MRNIP: variants seen among roughly 807,000 people sequenced by gnomAD.
MRNIP encodes the protein MRN complex-interacting protein.
Under a neutral mutation model 29.8 loss-of-function variants are expected in MRNIP, and 30 were observed. The observed-to-expected ratio is 1.01, with a 90% CI of 0.75 to 1.36. MRNIP has a LOEUF of 1.36. Ranked by LOEUF, MRNIP falls within the 40% of genes most tolerant of loss-of-function variation. MRNIP has a pLI of 0.00. For missense variants in MRNIP, 459 were observed against 423.5 expected, an observed-to-expected ratio of 1.08 and a Z score of -0.74; for synonymous variants, 201 against 164.1, an observed-to-expected ratio of 1.23 and a Z score of -1.72.
At position 179,853,457 on chromosome 5, in the gene MRNIP, A is replaced by G; in HGVS notation, c.67-20T>C. 4 of 1,594,254 alleles carry G rather than the reference A, an allele frequency of 2.5e-6. No individual in the cohort carries two copies. The highest frequency in any genetic ancestry group is 3.4e-6 in the Non-Finnish European group (4 of 1,165,290). ...TTTTACCTGCAATGAAATTTCAGAA[A>G]TACAACTCAGATAATTATTTAAAAC... On this transcript the variant is annotated intron_variant, in intron 1 of 6. Coordinates refer to ENST00000292586, the MANE Select transcript of MRNIP (RefSeq NM_016175.4).
chr5:179,843,526 C>T (rs1236796711), intron 4 of MRNIP, among the ~76,000 whole-genome samples: 1 of 151,930 alleles, frequency 6.6e-6, no homozygotes, highest in East Asian at 1.9e-4. Context: ...ATGGCCTGAG[C>T]CCAGGAGTTT....
intron 3 of MRNIP, 51 bp downstream of exon 3, chr5:179,847,927 G>T: frequency 1.6e-6 from 2 of 1,263,428 alleles, no homozygotes; most frequent in East Asian, 2.3e-5. Context: ...CTATTATCCA[G>T]TCAAGACGAA....
At chr5:179,839,301 A>G (rs898752643) in intron 6 of MRNIP, 6 of 152,046 alleles carry the variant, frequency 3.9e-5, no homozygotes, top group African/African-American at 9.7e-5. Context: ...CAAAGGGAAA[A>G]GCAATGTGAA....
intron 3 of MRNIP, 124 bp from the exon 4 acceptor site, chr5:179,844,351 G>C: frequency 1.4e-6 from 1 of 737,294 alleles, no homozygotes; most frequent in Non-Finnish European, 2.4e-6. Context: ...TCAGGAGTTC[G>C]AGACAAGTCT....
At chr5:179,850,192 T>C (rs1468736577) in intron 2 of MRNIP, among the ~76,000 whole-genome samples, 1 of 151,986 alleles carries the variant, frequency 6.6e-6, no homozygotes, top group Non-Finnish European at 1.5e-5. Context: ...CACAGGCAGA[T>C]GGTACAAGAC....
intron 2 of MRNIP, among the ~76,000 whole-genome samples, chr5:179,849,298 G>A (rs1049453583): frequency 1.0e-4 from 15 of 146,348 alleles, no homozygotes; most frequent in African/African-American, 1.6e-4. Context: ...CAGATGGTAC[G>A]AGATGGAATT....
chr5:179,850,269 C>G (rs1013470107), intron 2 of MRNIP, among the ~76,000 whole-genome samples: 3 of 150,648 alleles, frequency 2.0e-5, no homozygotes, highest in African/African-American at 7.3e-5. Context: ...TGAGAGCATG[C>G]GTCCTGCTAT....
chr5:179,851,384 G>C, intron 2 of MRNIP: 1 of 456,106 alleles, frequency 2.2e-6, no homozygotes, highest in Non-Finnish European at 4.4e-6. Context: ...GGCTTGGAAT[G>C]AGATTCTATG....
At chr5:179,851,149 G>C (rs970556475) in intron 2 of MRNIP, 2 of 449,344 alleles carry the variant, frequency 4.5e-6, no homozygotes, top group Admixed American at 4.7e-5. Flanking sequence ...ACAGCACAGA[G>C]GCATTGAGGG....
At chr5:179,853,301 C>T (rs771112890) in intron 2 of MRNIP, 77 bp downstream of exon 2, 1 of 1,605,142 alleles carries the variant, frequency 6.2e-7, no homozygotes, top group Admixed American at 1.7e-5. Context: ...ATGATCCCAG[C>T]TGTGGCATGC....
chr5:179,858,199 G>A (rs1369640860), intron 1 of MRNIP, among the ~76,000 whole-genome samples: 1 of 151,352 alleles, frequency 6.6e-6, no homozygotes, highest in African/African-American at 2.4e-5. Context: ...CACGCTGAAA[G>A]TTAGGGAGGC....
At chr5:179,854,993 GAAGA>G (rs1434007056) in intron 1 of MRNIP, among the ~76,000 whole-genome samples, 1 of 152,132 alleles carries the variant, frequency 6.6e-6, no homozygotes, top group East Asian at 1.9e-4. Flanking sequence ...AATGGAATTA[GAAGA>G]AAGTTGTAAG....
Position 179,852,157 on chromosome 5 carries a change from G to T in MRNIP, c.126+1221C>A, listed in dbSNP as rs1487919947. ...ACAAATTAGCTGGGTGTGGTGGCAT[G>T]CATCTGTAGTCCCAGATACTCAGGA... On this transcript the variant is annotated intron_variant, in intron 2 of 6. Coordinates refer to ENST00000292586, the MANE Select transcript of MRNIP (RefSeq NM_016175.4). 3.3e-5 allele frequency among the ~76,000 whole-genome samples: 5 copies of T among 151,594 alleles called. No homozygotes were observed. In the East Asian group the frequency reaches 7.7e-4, roughly 23 times the overall value.
chr5:179,844,871 TAC>T, intron 3 of MRNIP, among the ~76,000 whole-genome samples: 2 of 152,362 alleles, frequency 1.3e-5, no homozygotes, highest in Admixed American at 1.3e-4. Flanking sequence ...TAGGATTTTC[TAC>T]ATACACAATC....
rs35554578 is a variant in MRNIP, at chr5:179,844,070, TATA to T, written c.291+79_291+81del. 8,498 of 1,149,458 alleles carry T rather than the reference TATA, an allele frequency of 7.4e-3. 431 individuals carry two copies. In the African/African-American group the frequency reaches 0.11, roughly 16 times the overall value. 71.2% of individuals were successfully genotyped at this position (1,149,458 alleles called of 1,614,324 possible). ...TTGGGTGGCATCAACACACATTTGC[TATA>T]ATGACTACTGGATACATCTGTGCAT... is the stretch of plus-strand genomic sequence containing the variant. On this transcript the variant is annotated intron_variant, in intron 4 of 6. Coordinates refer to ENST00000292586, the MANE Select transcript of MRNIP (RefSeq NM_016175.4).
chr5:179,858,690 C>T (rs1450243682), intron 1 of MRNIP, 41 bp downstream of exon 1: 3 of 1,324,818 alleles, frequency 2.3e-6, no homozygotes, highest in East Asian at 2.7e-5. Flanking sequence ...GTCCGCTGTC[C>T]CCGCGCCGGA....
intron 6 of MRNIP, chr5:179,840,463 A>G (rs935532416): frequency 3.5e-5 from 10 of 287,046 alleles, no homozygotes; most frequent in Non-Finnish European, 6.5e-5. Flanking sequence ...CTCACATACA[A>G]GAGTCCACAG....
intron 2 of MRNIP, among the ~76,000 whole-genome samples, chr5:179,850,605 G>A (rs1413432736): frequency 6.6e-6 from 1 of 152,206 alleles, no homozygotes; most frequent in Non-Finnish European, 1.5e-5. Flanking sequence ...AATTGTAATG[G>A]ACACGTAGGG....
intron 3 of MRNIP, chr5:179,847,162 T>A (rs35942845): frequency 3.0e-4 from 10 of 32,832 alleles, no homozygotes; most frequent in Admixed American, 9.6e-4. Context: ...AGTTACTTAC[T>A]TTTTTTTTTT....
Sources: gnomAD v4.1 joint callset for allele counts (sites outside exome capture counted in the v4.1 genomes callset) on GRCh38, gnomAD v4.1.1 for gene constraint, MANE v1.5 for transcripts, NCBI Gene and HGNC (gene_info 2026-07-23, HGNC 2026-07-21) for gene names.